Variants in PPP6R3 observed in about 807,000 individuals in gnomAD.
PPP6R3 encodes the protein serine/threonine-protein phosphatase 6 regulatory subunit 3.
In PPP6R3, 38 loss-of-function variants were observed where a neutral mutation model predicts 110.7. The ratio of observed to expected loss-of-function variants is 0.34; its 90% CI spans 0.26 to 0.45. The LOEUF (loss-of-function observed/expected upper bound fraction) is 0.45. Ranked by LOEUF, PPP6R3 falls within the 20% of genes least tolerant of loss-of-function variation. The pLI, the probability that PPP6R3 is intolerant of heterozygous loss-of-function variation, is 1.00. For synonymous variants in PPP6R3, 369 were observed against 373.5 expected (o/e 0.99, Z 0.14); for missense variants, 870 against 1,062.4 (o/e 0.82, Z 2.52).
chr11:68,612,071 C>CT (rs1449409452), intron 23 of PPP6R3, among the ~76,000 whole-genome samples: 1 of 152,164 alleles, frequency 6.6e-6, no homozygotes, highest in Non-Finnish European at 1.5e-5. Context: ...GGGGAGGGTT[C>CT]TTTTCCCATT....
chr11:68,479,268 C>T (rs1211360886), intron 1 of PPP6R3, among the ~76,000 whole-genome samples: 1 of 152,160 alleles, frequency 6.6e-6, no homozygotes, highest in African/African-American at 2.4e-5. Context: ...TAAACAGCAG[C>T]AGATGCAGGG....
chr11:68,570,945 G>A (rs2099502045), intron 11 of PPP6R3, 95 bp from the exon 12 acceptor site: 1 of 1,421,612 alleles, frequency 7.0e-7, no homozygotes, highest in South Asian at 1.3e-5. Context: ...GCTAGATTAT[G>A]CATACTACTA....
chr11:68,566,981 C>T (rs1415463861), intron 9 of PPP6R3, 33 bp from the exon 10 acceptor site: 2 of 1,529,754 alleles, frequency 1.3e-6, no homozygotes, highest in Admixed American at 2.1e-5. Flanking sequence ...GTTCATTTAA[C>T]TGAATTTAAT....
intron 15 of PPP6R3, chr11:68,587,312 G>A (rs1235600561): frequency 6.5e-6 from 1 of 152,792 alleles, no homozygotes; most frequent in Non-Finnish European, 1.5e-5. Flanking sequence ...TGGATAAATA[G>A]TCAAACGTTT....
At chr11:68,472,811 G>A (rs1415581692) in intron 1 of PPP6R3, among the ~76,000 whole-genome samples, 5 of 152,046 alleles carry the variant, frequency 3.3e-5, no homozygotes, top group Non-Finnish European at 5.9e-5. Flanking sequence ...GACTATTCTG[G>A]ACATTGCTTA....
chr11:68,537,544 A>T, intron 2 of PPP6R3, 115 bp from the exon 3 acceptor site: 1 of 677,102 alleles, frequency 1.5e-6, no homozygotes, highest in Non-Finnish European at 2.5e-6. Context: ...AAGCTTATTT[A>T]ACTTATGTGA....
intron 2 of PPP6R3, among the ~76,000 whole-genome samples, chr11:68,530,667 C>T (rs772307391): frequency 4.6e-5 from 7 of 152,158 alleles, no homozygotes; most frequent in Non-Finnish European, 1.0e-4. Context: ...TGCAGTCTCG[C>T]ATGCTCAGAA....
intron 1 of PPP6R3, among the ~76,000 whole-genome samples, chr11:68,477,735 A>ATATATATATATAT (rs1458541567): frequency 1.6e-4 from 10 of 64,156 alleles, no homozygotes; most frequent in African/African-American, 5.9e-4. Flanking sequence ...TCTTAAAAAA[A>ATATATATATATAT]AAAAAAATAT....
chr11:68,509,744 A>ATTTTTTTTTTTTTTTTTTTTT (rs59022544), intron 1 of PPP6R3, among the ~76,000 whole-genome samples: 1 of 102,152 alleles, frequency 9.8e-6, no homozygotes, highest in Non-Finnish European at 1.9e-5. Flanking sequence ...CATGTGGCTA[A>ATTTTTTTTTTTTTTTTTTTTT]TTTTTTTTTT....
chr11:68,478,830 A>G (rs1271436366), intron 1 of PPP6R3, among the ~76,000 whole-genome samples: 1 of 150,896 alleles, frequency 6.6e-6, no homozygotes, highest in Non-Finnish European at 1.5e-5. Flanking sequence ...GTTAAGTTTT[A>G]TGTCTTCAGT....
At position 68,613,702 on chromosome 11, in the gene PPP6R3, TC is replaced by T; in HGVS notation, c.*586del. 1.0e-6 allele frequency: 1 copy of T among 982,828 alleles called. No individual in the cohort carries two copies. The highest frequency in any genetic ancestry group is 1.2e-6 in the Non-Finnish European group (1 of 827,176). The allele number at this position is 982,828 out of a possible 1,614,324, so 60.9% of individuals were successfully genotyped here. On this transcript the variant is annotated 3_prime_UTR_variant, in exon 24 of 24. Coordinates refer to ENST00000393800, the MANE Select transcript of PPP6R3 (RefSeq NM_001164161.2). The stretch of plus-strand genomic sequence containing the variant: ...ACCAGTTTTTGATTGGTAATTGTTT[TC>T]TGTATTGTTTAAAACGGATCAAAAA...
chr11:68,501,462 G>A (rs2099048549), intron 1 of PPP6R3, among the ~76,000 whole-genome samples: 1 of 152,186 alleles, frequency 6.6e-6, no homozygotes, highest in African/African-American at 2.4e-5. Flanking sequence ...GAGTAGCTGA[G>A]ATTACAAGCA....
At chr11:68,575,159 A>G (rs1263269292) in intron 13 of PPP6R3, among the ~76,000 whole-genome samples, 1 of 152,206 alleles carries the variant, frequency 6.6e-6, no homozygotes, top group Non-Finnish European at 1.5e-5. Context: ...TGGCCATGTG[A>G]TATGACTGAG....
intron 14 of PPP6R3, among the ~76,000 whole-genome samples, chr11:68,578,051 T>A (rs1180495025): frequency 6.6e-6 from 1 of 152,174 alleles, no homozygotes; most frequent in Non-Finnish European, 1.5e-5. Context: ...TAAATACCAC[T>A]TCCGTTTAGT....
intron 1 of PPP6R3, among the ~76,000 whole-genome samples, chr11:68,506,769 AGAT>A (rs2099080567): frequency 1.3e-5 from 2 of 152,188 alleles, no homozygotes; most frequent in African/African-American, 4.8e-5. Context: ...CACTTATCTC[AGAT>A]AATAACCATT....
intron 6 of PPP6R3, among the ~76,000 whole-genome samples, chr11:68,553,202 T>C (rs1465385539): frequency 2.0e-5 from 3 of 152,228 alleles, no homozygotes; most frequent in African/African-American, 7.2e-5. Flanking sequence ...GGTGCTGAGA[T>C]TTTAGAGCTT....
chr11:68,515,411 C>G (rs2099131223), intron 1 of PPP6R3, among the ~76,000 whole-genome samples: 3 of 152,240 alleles, frequency 2.0e-5, no homozygotes, highest in Non-Finnish European at 2.9e-5. Flanking sequence ...GACAAAGAAC[C>G]AGGAGCTGGA....
intron 1 of PPP6R3, among the ~76,000 whole-genome samples, chr11:68,511,070 CT>C (rs59968909): frequency 1.3e-3 from 191 of 143,658 alleles, no homozygotes; most frequent in Non-Finnish European, 1.1e-3. Context: ...ACCATGCATA[CT>C]TTTTTTTTTT....
intron 20 of PPP6R3, among the ~76,000 whole-genome samples, chr11:68,601,176 C>T (rs1353605637): frequency 1.3e-5 from 2 of 152,198 alleles, no homozygotes; most frequent in South Asian, 2.1e-4. Context: ...TCGTCTACCC[C>T]GCTTTTCAGT....
Sources: allele counts gnomAD v4.1 joint callset (sites outside exome capture counted in the v4.1 genomes callset), GRCh38; gene constraint gnomAD v4.1.1; transcripts MANE v1.5; gene names NCBI Gene and HGNC (gene_info 2026-07-23, HGNC 2026-07-21).